Variants in ARL5C observed in about 807,000 individuals in gnomAD.
The protein encoded by ARL5C is putative ADP-ribosylation factor-like protein 5C.
In ARL5C, 21 loss-of-function variants were observed where a neutral mutation model predicts 20.8. That is an observed-to-expected ratio of 1.01 (90% CI 0.72 to 1.46). ARL5C has a LOEUF of 1.46. Ranked by LOEUF, ARL5C falls within the 40% of genes most tolerant of loss-of-function variation. ARL5C has a pLI of 0.00. For synonymous variants in ARL5C, 71 were observed against 81.6 expected, an observed-to-expected ratio of 0.87 and a Z score of 0.70; for missense variants, 199 against 225.1, an observed-to-expected ratio of 0.88 and a Z score of 0.74.
At chr17:39,156,809 G>C, downstream of ARL5C, 1 of 1,483,112 alleles carries the variant, frequency 6.7e-7, no homozygotes, top group Non-Finnish European at 9.2e-7. Flanking sequence ...GAGAACCATA[G>C]AAAAGTAATA....
downstream of ARL5C, chr17:39,156,842 C>T: frequency 4.5e-6 from 7 of 1,546,610 alleles, no homozygotes; most frequent in African/African-American, 1.4e-5. Context: ...ATTTTCCACC[C>T]ATGTTGACCA....
rs1365897841 is a variant in ARL5C at position 39,162,838 on chromosome 17, T to C, written c.128A>G (p.His43Arg). Residue 43 changes from histidine to arginine, a missense_variant, in exon 3 of 6, where the codon CAT becomes CGT. His to Arg is a conservative substitution (Grantham distance 29). Transcript: ENST00000269586. ...LYRFLTNEVV[H>R]MCPTIGSNVE... is the part of the protein sequence containing the mutation. ...GTTGCTGCCAATGGTGGGACACATA[T>C]GGACCACCTCATTGGTCAAGCTGGG... 1.1e-5 allele frequency: 17 copies of C among 1,551,004 alleles called. No individual in the cohort carries two copies. The highest frequency in any genetic ancestry group is 1.1e-4 in the South Asian group (9 of 83,994).
chr17:39,158,757 A>G (rs1328791827), intron 5 of ARL5C, among the ~76,000 whole-genome samples: 4 of 152,080 alleles, frequency 2.6e-5, no homozygotes, highest in Admixed American at 6.6e-5. Flanking sequence ...TGATTACTCA[A>G]TATCTACCTG....
chr17:39,158,848 G>C (rs1285357253), intron 5 of ARL5C, among the ~76,000 whole-genome samples: 1 of 151,514 alleles, frequency 6.6e-6, no homozygotes, highest in Non-Finnish European at 1.5e-5. Context: ...TCTTTTCTTT[G>C]TTTTTGCTTT....
chr17:39,161,539 A>T (rs1489925947), intron 3 of ARL5C, among the ~76,000 whole-genome samples, 188 bp from the exon 4 acceptor site: 1 of 146,416 alleles, frequency 6.8e-6, no homozygotes, highest in Non-Finnish European at 1.5e-5. Flanking sequence ...TTTGAGGCGG[A>T]GTCTCGCTCT....
intron 4 of ARL5C, among the ~76,000 whole-genome samples, 158 bp from the exon 5 acceptor site, chr17:39,160,900 AC>A (rs2045431017): frequency 6.6e-6 from 1 of 152,206 alleles, no homozygotes; most frequent in Non-Finnish European, 1.5e-5. Flanking sequence ...AATGGTAGCA[AC>A]CGTATCAAAT....
chr17:39,156,773 G>T, downstream of ARL5C: 3 of 1,184,636 alleles, frequency 2.5e-6, no homozygotes, highest in Non-Finnish European at 3.6e-6. Flanking sequence ...CAATCTCACT[G>T]TCCATAGCAG....
intron 5 of ARL5C, 193 bp downstream of exon 5, chr17:39,160,398 C>T (rs1170315743): frequency 1.7e-6 from 1 of 597,816 alleles, no homozygotes; most frequent in Non-Finnish European, 2.9e-6. Context: ...AGAACAAGCC[C>T]CTGAGAGCAG....
rs1459669150 is a variant in ARL5C, at chr17:39,165,092, T to C, written c.94A>G (p.Ile32Val). The C allele has an allele frequency of 1.9e-6, 3 of 1,551,654 alleles. No homozygotes were observed. The highest frequency in any genetic ancestry group is 2.6e-6 in the Non-Finnish European group (3 of 1,146,962). ...VGLDNEGKTT[I>V]LYRFLTNEVV... ...AGAGTCACTTACAACCGGTAGAGAA[T>C]GGTGGTCTTTCCTTCATTGTCCAGT... is the stretch of plus-strand genomic sequence containing the variant. Residue 32 changes from isoleucine (I) to valine (V), a missense_variant, in exon 2 of 6, where the codon ATT becomes GTT. By Grantham distance (29) the Ile-to-Val change is conservative. Transcript: ENST00000269586.
In ARL5C at chr17:39,161,326, G is replaced by A. The variant is rs779985444; in HGVS notation, c.281C>T (p.Thr94Met). 73 of 1,551,754 alleles carry A rather than the reference G, an allele frequency of 4.7e-5. No individual in the cohort carries two copies. Among genetic ancestry groups the A allele is most frequent in the African/African-American group, 3.0e-4 (22 of 73,014 alleles). The change falls in exon 4 of 6, where the codon ACG becomes ATG. Residue 94 changes from threonine (T) to methionine (M), a missense_variant. Thr to Met is a moderately conservative substitution (Grantham distance 81). Transcript: ENST00000269586. ...AGTGGTCAGCAGCCGATCCCGGTCC[G>A]TGCTGTCAATCACAAGGATGATAAA... is the stretch of plus-strand genomic sequence containing the variant. ...TEFIILVIDS[T>M]DRDRLLTTRE...
intron 4 of ARL5C, 45 bp downstream of exon 4, chr17:39,161,223 C>T (rs1319966968): frequency 2.0e-6 from 3 of 1,524,582 alleles, no homozygotes; most frequent in South Asian, 1.2e-5. Flanking sequence ...CCTGAGGGCA[C>T]ACAGCTAGTA....
At chr17:39,162,903 C>G (rs1011518074) in intron 2 of ARL5C, 45 bp from the exon 3 acceptor site, 24 of 1,538,522 alleles carry the variant, frequency 1.6e-5, no homozygotes, top group Non-Finnish European at 2.1e-5. Context: ...CCAGCCTACT[C>G]CCAACTCTGG....
intron 2 of ARL5C, chr17:39,164,018 T>C (rs2045450898): frequency 6.6e-6 from 1 of 152,088 alleles, no homozygotes; most frequent in Non-Finnish European, 1.5e-5. Context: ...TCCACCCACT[T>C]CAGCCTCTCA....
chr17:39,159,770 G>A (rs1275148116), intron 5 of ARL5C, among the ~76,000 whole-genome samples: 2 of 152,146 alleles, frequency 1.3e-5, no homozygotes, highest in Admixed American at 1.3e-4. Flanking sequence ...GTACTGAATG[G>A]TGTCATTTAC....
chr17:39,159,326 C>T (rs1190812638), intron 5 of ARL5C, among the ~76,000 whole-genome samples: 8 of 131,072 alleles, frequency 6.1e-5, no homozygotes, highest in East Asian at 2.2e-4. Flanking sequence ...GATGGTGCTT[C>T]GCTCTTGTTG....
chr17:39,160,356 C>G, intron 5 of ARL5C: 1 of 468,656 alleles, frequency 2.1e-6, no homozygotes, highest in Non-Finnish European at 3.8e-6. Context: ...GAGATTATTG[C>G]ATTTAGGCGG....
chr17:39,162,592 G>A, intron 3 of ARL5C, 119 bp downstream of exon 3: 1 of 1,277,672 alleles, frequency 7.8e-7, no homozygotes, highest in Non-Finnish European at 1.1e-6. Context: ...TGAGCCACAG[G>A]AACCGACCAT....
intron 5 of ARL5C, among the ~76,000 whole-genome samples, chr17:39,157,679 A>G (rs2045412163): frequency 6.6e-6 from 1 of 152,066 alleles, no homozygotes; most frequent in African/African-American, 2.4e-5. Context: ...AATCTCAGCT[A>G]CTTGGGAGGC....
rs1463225710 is a variant in ARL5C, at chr17:39,160,726, G to A, written c.356C>T (p.Ser119Leu). Residue 119 changes from serine to leucine, a missense_variant, in exon 5 of 6, where the codon TCA becomes TTA. Coordinates refer to ENST00000269586, the MANE Select transcript of ARL5C (RefSeq NM_001143968.1). ...MLAHEALQDA[S>L]VLIFANKQDV... ...CTGCTTATTGGCAAATATCAGGACT[G>A]AAGCATCCTGTAGAGCCTGTGGACA... is the stretch of plus-strand genomic sequence containing the variant. 3 of 1,551,620 alleles carry A rather than the reference G, an allele frequency of 1.9e-6. No individual in the cohort carries two copies. The highest frequency in any genetic ancestry group is 2.6e-6 in the Non-Finnish European group (3 of 1,146,992).
Sources: allele counts gnomAD v4.1 joint callset (sites outside exome capture counted in the v4.1 genomes callset), GRCh38; gene constraint gnomAD v4.1.1; transcripts MANE v1.5; gene names NCBI Gene and HGNC (gene_info 2026-07-23, HGNC 2026-07-21).